The following TSHZ2 variants were observed in gnomAD, a reference collection of about 807,000 sequenced individuals.
The protein encoded by TSHZ2 is teashirt zinc finger homeobox 2.
Under a neutral mutation model 74.4 loss-of-function variants are expected in TSHZ2, and 21 were observed. The observed-to-expected ratio is 0.28, with a 90% CI of 0.20 to 0.41. The LOEUF is 0.41. Among genes scored for constraint, TSHZ2 ranks in the 10% least tolerant of loss-of-function variants. TSHZ2 has a pLI of 1.00. For missense variants in TSHZ2, 1,244 were observed against 1,293.5 expected (o/e 0.96, Z 0.59); for synonymous variants, 540 against 515.3 (o/e 1.05, Z -0.65).
At chr20:53,218,877 GTTTTCTACACCA>G (rs1989493276) in intron 1 of TSHZ2, among the ~76,000 whole-genome samples, 1 of 152,186 alleles carries the variant, frequency 6.6e-6, no homozygotes, top group African/African-American at 2.4e-5. Context: ...CAGCACCTGA[GTTTTCTACACCA>G]TTTTGGAGAC....
intron 2 of TSHZ2, among the ~76,000 whole-genome samples, chr20:53,299,519 G>A (rs910986920): frequency 1.5e-4 from 23 of 152,094 alleles, no homozygotes; most frequent in African/African-American, 5.3e-4. Flanking sequence ...TGTCATTAAC[G>A]TCATCTTTTT....
chr20:53,424,694 A>G (rs1039137863), intron 2 of TSHZ2, among the ~76,000 whole-genome samples: 4 of 152,094 alleles, frequency 2.6e-5, no homozygotes, highest in African/African-American at 9.7e-5. Flanking sequence ...GGCGTGCATT[A>G]GCTATTTTTC....
chr20:53,373,763 G>A lies in TSHZ2; in HGVS notation c.*9-113381G>A, dbSNP rs563823929. Among the ~76,000 whole-genome samples, 172 of 152,264 alleles carry A rather than the reference G, an allele frequency of 1.1e-3. 1 individual carries two copies. Among genetic ancestry groups the A allele is most frequent in the African/African-American group, 3.8e-3 (158 of 41,558 alleles). Reference sequence around the variant, plus strand: ...GGTTTTTATAAAGTCAGAGCTACAGGTCAAAGGCACCAGGTTCCTAGGGCC... The same window carrying A: ...GGTTTTTATAAAGTCAGAGCTACAGATCAAAGGCACCAGGTTCCTAGGGCC... On this transcript the variant is annotated intron_variant, in intron 2 of 2. Coordinates refer to ENST00000371497, the MANE Select transcript of TSHZ2 (RefSeq NM_173485.6).
At chr20:53,347,403 A>G (rs1980479213) in intron 2 of TSHZ2, among the ~76,000 whole-genome samples, 1 of 151,986 alleles carries the variant, frequency 6.6e-6, no homozygotes, top group African/African-American at 2.4e-5. Flanking sequence ...TGACCCCCAC[A>G]TGTCTGCATT....
At chr20:53,286,121 A>G (rs543027191) in intron 2 of TSHZ2, among the ~76,000 whole-genome samples, 5 of 152,312 alleles carry the variant, frequency 3.3e-5, no homozygotes, top group African/African-American at 1.2e-4. Context: ...AATAATGCCA[A>G]AAGGTTATGT....
rs1983920611 is a variant in TSHZ2, at chr20:53,038,857, T to C, written c.40+65524T>C. Among the ~76,000 whole-genome samples the C allele has an allele frequency of 3.1e-5, 3 of 96,084 alleles. No homozygotes were observed. In the South Asian group the frequency reaches 1.2e-3, roughly 39 times the overall value. 63.0% of individuals were successfully genotyped at this position (96,084 alleles called of 152,430 possible). On this transcript the variant is annotated intron_variant, in intron 1 of 2. Transcript: ENST00000371497. ...CTGGGTCCAAGGGCCTTTTCACTTC[T>C]TGTTTTTTTTTTGTTTGTTTGTTTT...
intron 1 of TSHZ2, among the ~76,000 whole-genome samples, chr20:53,067,942 T>G (rs928228027): frequency 2.0e-5 from 3 of 152,172 alleles, no homozygotes; most frequent in African/African-American, 7.2e-5. Flanking sequence ...CTCTTCCAGT[T>G]TCTGGTTGTG....
At chr20:53,248,822 G>T (rs58792957) in intron 1 of TSHZ2, among the ~76,000 whole-genome samples, 4,858 of 152,206 alleles carry the variant, frequency 0.032, 175 homozygotes, top group East Asian at 0.22. Flanking sequence ...TTATGGGGAT[G>T]CTCTGGTATT....
intron 2 of TSHZ2, among the ~76,000 whole-genome samples, chr20:53,404,677 G>A (rs553248690): frequency 3.9e-5 from 6 of 152,084 alleles, no homozygotes; most frequent in African/African-American, 7.2e-5. Flanking sequence ...AATATGCAAC[G>A]TTCTCACACA....
chr20:53,138,732 T>C (rs1210172774), intron 1 of TSHZ2, among the ~76,000 whole-genome samples: 4 of 152,212 alleles, frequency 2.6e-5, no homozygotes, highest in Non-Finnish European at 5.9e-5. Flanking sequence ...TCACCAGGCC[T>C]CTGAGCTGCT....
At chr20:53,120,507 C>A (rs1196352750) in intron 1 of TSHZ2, among the ~76,000 whole-genome samples, 1 of 151,742 alleles carries the variant, frequency 6.6e-6, no homozygotes, top group South Asian at 2.1e-4. Context: ...ACAAACAGGG[C>A]AAATGACGAG....
rs1985071225 is a variant in TSHZ2 at position 53,068,571 on chromosome 20, GA to G, written c.40+95239del. Among the ~76,000 whole-genome samples the G allele has an allele frequency of 7.9e-5, 12 of 152,210 alleles. No individual in the cohort carries two copies. In the South Asian group the frequency reaches 2.5e-3, roughly 32 times the overall value. ...TCTCCTATAGCTCTTCCATGGCACT[GA>G]CCACACTTGGCAATCAAGAATGTAT... On this transcript the variant is annotated intron_variant, in intron 1 of 2. Coordinates refer to ENST00000371497, the MANE Select transcript of TSHZ2 (RefSeq NM_173485.6).
At chr20:53,305,946 C>A (rs545974207) in intron 2 of TSHZ2, among the ~76,000 whole-genome samples, 295 of 151,600 alleles carry the variant, frequency 1.9e-3, no homozygotes, top group Non-Finnish European at 3.5e-3. Flanking sequence ...CCACTACACT[C>A]CGGCCTGGGC....
intron 2 of TSHZ2, among the ~76,000 whole-genome samples, chr20:53,316,191 G>A (rs1172938777): frequency 3.3e-5 from 5 of 152,194 alleles, no homozygotes; most frequent in African/African-American, 1.2e-4. Context: ...TCAACCCTCA[G>A]TCATCCCCAC....
At chr20:53,399,532 G>A (rs897221675) in intron 2 of TSHZ2, 1 of 152,204 alleles carries the variant, frequency 6.6e-6, no homozygotes, top group African/African-American at 2.4e-5. Context: ...AGCCTCGGAA[G>A]GCATTCGTCA....
intron 2 of TSHZ2, among the ~76,000 whole-genome samples, chr20:53,304,357 G>A (rs1002294255): frequency 6.6e-6 from 1 of 151,816 alleles, no homozygotes; most frequent in South Asian, 2.1e-4. Context: ...ATGGCATATG[G>A]CATTGCACCA....
intron 2 of TSHZ2, among the ~76,000 whole-genome samples, chr20:53,383,319 A>C (rs944896350): frequency 1.3e-5 from 2 of 152,154 alleles, no homozygotes; most frequent in Non-Finnish European, 2.9e-5. Context: ...AAGACTACAC[A>C]AATATTAGGT....
chr20:53,221,895 G>C (rs184695998), intron 1 of TSHZ2, among the ~76,000 whole-genome samples: 2 of 152,110 alleles, frequency 1.3e-5, no homozygotes, highest in Admixed American at 6.5e-5. Flanking sequence ...TAGTGTTATA[G>C]TTCATTCAAA....
intron 1 of TSHZ2, among the ~76,000 whole-genome samples, chr20:53,166,300 G>A (rs916437528): frequency 6.6e-6 from 1 of 152,138 alleles, no homozygotes; most frequent in Non-Finnish European, 1.5e-5. Context: ...AAAATTCTAA[G>A]TGTGGTGCAC....
Sources: gnomAD v4.1 joint callset for allele counts (sites outside exome capture counted in the v4.1 genomes callset) on GRCh38, gnomAD v4.1.1 for gene constraint, MANE v1.5 for transcripts, NCBI Gene and HGNC (gene_info 2026-07-23, HGNC 2026-07-21) for gene names.